RBM47: variants seen among roughly 807,000 people sequenced by gnomAD.
RBM47 encodes the protein RNA binding motif protein 47.
In RBM47, 21 loss-of-function variants were observed where a neutral mutation model predicts 47.1. The observed-to-expected ratio is 0.45, with a 90% CI of 0.32 to 0.64. The LOEUF (loss-of-function observed/expected upper bound fraction) is 0.64, where lower values mean the gene tolerates loss of function less well. Ranked by LOEUF, RBM47 falls within the 30% of genes least tolerant of loss-of-function variation. The pLI, the probability that RBM47 is intolerant of heterozygous loss-of-function variation, is 0.05. For missense variants in RBM47, 708 were observed against 870.9 expected, an observed-to-expected ratio of 0.81 and a Z score of 2.35; for synonymous variants, 375 against 361.7, an observed-to-expected ratio of 1.04 and a Z score of -0.42.
At chr4:40,474,782 AT>A (rs1432709132) in intron 2 of RBM47, among the ~76,000 whole-genome samples, 17 of 152,368 alleles carry the variant, frequency 1.1e-4, no homozygotes, top group African/African-American at 3.8e-4. Flanking sequence ...ACCCAAACTT[AT>A]CTTTTGACAC....
chr4:40,571,971 C>T (rs560521726), intron 1 of RBM47, among the ~76,000 whole-genome samples: 3 of 150,250 alleles, frequency 2.0e-5, no homozygotes, highest in South Asian at 2.1e-4. Context: ...TGCACTGAGC[C>T]GAGATTGTAC....
intron 2 of RBM47, among the ~76,000 whole-genome samples, chr4:40,503,729 A>C (rs1723712725): frequency 6.6e-6 from 1 of 152,132 alleles, no homozygotes; most frequent in African/African-American, 2.4e-5. Flanking sequence ...GGGAGAGAAG[A>C]ATATATGTAA....
intron 2 of RBM47, among the ~76,000 whole-genome samples, chr4:40,535,525 C>G (rs1334121838): frequency 2.6e-5 from 4 of 151,478 alleles, no homozygotes; most frequent in Non-Finnish European, 5.9e-5. Flanking sequence ...GTGCCCACCA[C>G]CACGTCTGGC....
At chr4:40,486,519 C>A (rs1242785926) in intron 2 of RBM47, among the ~76,000 whole-genome samples, 7 of 152,146 alleles carry the variant, frequency 4.6e-5, no homozygotes, top group Admixed American at 3.3e-4. Context: ...TAAATTTGGG[C>A]TGGGTGTGGT....
chr4:40,507,424 TG>T (rs747412149), intron 2 of RBM47, among the ~76,000 whole-genome samples: 13 of 152,206 alleles, frequency 8.5e-5, no homozygotes, highest in Non-Finnish European at 1.3e-4. Context: ...AATTGCTAAA[TG>T]AAAGTTTTTG....
intron 6 of RBM47, among the ~76,000 whole-genome samples, chr4:40,430,991 G>A (rs543731840): frequency 6.6e-6 from 1 of 152,210 alleles, no homozygotes; most frequent in Admixed American, 6.5e-5. Context: ...GGCTGAGGTG[G>A]GAGGATTGCT....
rs1024790037 is a variant in RBM47 at position 40,423,903 on chromosome 4, G to T, written c.*2001C>A. 2 of 152,476 alleles carry T rather than the reference G, an allele frequency of 1.3e-5. No homozygotes were observed. Among genetic ancestry groups the T allele is most frequent in the African/African-American group, 4.8e-5 (2 of 41,392 alleles). 9.4% of individuals were successfully genotyped at this position (152,476 alleles called of 1,614,324 possible). A position where few individuals can be genotyped will look rare whatever the true frequency, so the allele number is the denominator to read the frequency against. ...TCTGATCCGAATTACATTTTGTCGA[G>T]TCACTCATTCCCACAGATTTGAGTT... On this transcript the variant is annotated 3_prime_UTR_variant, in exon 7 of 7. Coordinates refer to ENST00000295971, the MANE Select transcript of RBM47 (RefSeq NM_001098634.2).
rs1412813768 is a variant in RBM47 at position 40,423,657 on chromosome 4, TTTCTTTCTTTCTTTCTTTCTTTC to T, written c.*2224_*2246del. On this transcript the variant is annotated 3_prime_UTR_variant, in exon 7 of 7. Coordinates refer to ENST00000295971, the MANE Select transcript of RBM47 (RefSeq NM_001098634.2). ...TTTTTTTATTCTTTCTTTCTTTTTC[TTTCTTTCTTTCTTTCTTTCTTTC>T]TTTCTTTCTTTCTTTCTTTCTTTCT... is the stretch of plus-strand genomic sequence containing the variant. 1.8e-4 allele frequency: 2 copies of T among 11,146 alleles called. No individual in the cohort carries two copies. Among genetic ancestry groups the T allele is most frequent in the Non-Finnish European group, 4.8e-4 (2 of 4,156 alleles). 0.7% of individuals were successfully genotyped at this position (11,146 alleles called of 1,614,324 possible).
At chr4:40,517,432 C>T (rs982428234) in intron 2 of RBM47, among the ~76,000 whole-genome samples, 3 of 152,058 alleles carry the variant, frequency 2.0e-5, no homozygotes, top group Non-Finnish European at 4.4e-5. Context: ...CCACTGTGCC[C>T]GACCCTCAAC....
intron 1 of RBM47, among the ~76,000 whole-genome samples, chr4:40,575,629 G>C (rs1402162995): frequency 6.6e-6 from 1 of 150,514 alleles, no homozygotes; most frequent in Non-Finnish European, 1.5e-5. Context: ...CTTAAAATTT[G>C]AATACTTAAT....
At chr4:40,504,570 G>A (rs1723840183) in intron 2 of RBM47, among the ~76,000 whole-genome samples, 1 of 152,152 alleles carries the variant, frequency 6.6e-6, no homozygotes, top group Non-Finnish European at 1.5e-5. Flanking sequence ...CGGGATTACA[G>A]GCTTGGGTCA....
chr4:40,527,436 A>ATTTTTTTTTTTTTTTT (rs60524903), intron 2 of RBM47, among the ~76,000 whole-genome samples: 11 of 104,706 alleles, frequency 1.1e-4, no homozygotes, highest in South Asian at 3.3e-4. Context: ...ACACCTGGCA[A>ATTTTTTTTTTTTTTTT]TTTTTTTTTT....
intron 2 of RBM47, among the ~76,000 whole-genome samples, chr4:40,531,240 G>A (rs1727358212): frequency 6.6e-6 from 1 of 152,104 alleles, no homozygotes; most frequent in South Asian, 2.1e-4. Flanking sequence ...GTTGAGGTGA[G>A]CTTCAGATGA....
At chr4:40,565,075 A>T (rs1416487926) in intron 1 of RBM47, among the ~76,000 whole-genome samples, 1 of 152,246 alleles carries the variant, frequency 6.6e-6, no homozygotes, top group Non-Finnish European at 1.5e-5. Flanking sequence ...GAACACAAAG[A>T]GAATTTCTCC....
At chr4:40,502,394 G>C (rs996924019) in intron 2 of RBM47, among the ~76,000 whole-genome samples, 1 of 152,182 alleles carries the variant, frequency 6.6e-6, no homozygotes, top group African/African-American at 2.4e-5. Flanking sequence ...CATGAAGGAG[G>C]AAGTGGACTG....
chr4:40,553,751 A>G (rs1368568784), intron 1 of RBM47, among the ~76,000 whole-genome samples: 3 of 152,178 alleles, frequency 2.0e-5, no homozygotes, highest in Non-Finnish European at 4.4e-5. Flanking sequence ...GAAATAAAAT[A>G]TCCCCTGGTT....
intron 3 of RBM47, among the ~76,000 whole-genome samples, chr4:40,449,072 G>A (rs1474823915): frequency 6.6e-6 from 1 of 152,186 alleles, no homozygotes; most frequent in Non-Finnish European, 1.5e-5. Context: ...CCACTCTCGG[G>A]CAGGCCCCTG....
intron 2 of RBM47, among the ~76,000 whole-genome samples, chr4:40,512,885 G>A (rs1019306414): frequency 1.3e-5 from 2 of 152,116 alleles, no homozygotes; most frequent in Non-Finnish European, 2.9e-5. Context: ...GTGCACCTGT[G>A]TAACAGGCAA....
At chr4:40,483,283 C>G (rs996449031) in intron 2 of RBM47, among the ~76,000 whole-genome samples, 26 of 152,180 alleles carry the variant, frequency 1.7e-4, no homozygotes, top group Admixed American at 1.7e-3. Context: ...GTCACTCAAT[C>G]GTTCAACAAT....
Sources: allele counts gnomAD v4.1 joint callset (sites outside exome capture counted in the v4.1 genomes callset), GRCh38; gene constraint gnomAD v4.1.1; transcripts MANE v1.5; gene names NCBI Gene and HGNC (gene_info 2026-07-23, HGNC 2026-07-21).